Variants in RFX6 observed in about 807,000 individuals in gnomAD.
RFX6 encodes DNA-binding protein RFX6.
In RFX6, 50 loss-of-function variants were observed where a neutral mutation model predicts 110.8. That is an observed-to-expected ratio of 0.45 (90% confidence interval 0.36 to 0.57). The LOEUF is 0.57. RFX6 is among the 20% of genes least tolerant of loss of function. RFX6 has a pLI of 0.00. For missense variants in RFX6, 990 were observed against 1,127.0 expected (o/e 0.88, Z 1.74); for synonymous variants, 383 against 411.2 (o/e 0.93, Z 0.83).
chr6:116,891,382 T>A (rs956164859), intron 4 of RFX6, among the ~76,000 whole-genome samples: 3 of 152,188 alleles, frequency 2.0e-5, no homozygotes, highest in African/African-American at 7.2e-5. Flanking sequence ...GGATTAGAGT[T>A]GAGAAACAAG....
At chr6:116,908,673 C>A (rs1414858460) in intron 6 of RFX6, among the ~76,000 whole-genome samples, 4 of 85,574 alleles carry the variant, frequency 4.7e-5, no homozygotes, top group Non-Finnish European at 1.0e-4. Context: ...CTAGCATACA[C>A]ACACACACAC....
intron 18 of RFX6, among the ~76,000 whole-genome samples, chr6:116,929,733 A>G (rs1775840945): frequency 6.6e-6 from 1 of 152,248 alleles, no homozygotes; most frequent in Non-Finnish European, 1.5e-5. Flanking sequence ...ACTAAGTATC[A>G]AAGCAGAGTG....
intron 6 of RFX6, among the ~76,000 whole-genome samples, chr6:116,896,877 T>C (rs1774959722): frequency 6.6e-6 from 1 of 152,228 alleles, no homozygotes; most frequent in Admixed American, 6.5e-5. Context: ...TATTTGCTTT[T>C]TTAAGAGGTC....
rs567677630 is a variant in RFX6, at chr6:116,927,375, C to T, written c.2234C>T (p.Ala745Val). ...AGAGACTTCTTCAGTGGCAGCTGTG[C>T]GGGGTCTCCATATAACTCCCGGCCA... ...LSRDFFSGSC[A>V]GSPYNSRPPS... The change falls in exon 17 of 19, where the codon GCG becomes GTG. Residue 745 changes from alanine (A) to valine (V), a missense_variant. By Grantham distance (64) the Ala-to-Val change is moderately conservative. This residue lies in a region of RFX6 where 438 missense variants were observed against 441.9 expected (regional missense o/e 0.99). Coordinates refer to ENST00000332958, the MANE Select transcript of RFX6 (RefSeq NM_173560.4). The T allele has an allele frequency of 3.3e-5, 54 of 1,613,798 alleles. No homozygotes were observed. The highest frequency in any genetic ancestry group is 3.6e-5 in the Non-Finnish European group (43 of 1,179,856).
Position 116,897,481 on chromosome 6 carries a change from T to C in RFX6, c.672+2274T>C, listed in dbSNP as rs556448083. On this transcript the variant is annotated intron_variant, in intron 6 of 18. Coordinates refer to ENST00000332958, the MANE Select transcript of RFX6 (RefSeq NM_173560.4). ...AAATAAAAAAAATTCTGCTTAGCTA[T>C]AGTGTAGAATGAGGTAGAGAGTAAT... 3.3e-5 allele frequency among the ~76,000 whole-genome samples: 5 copies of C among 152,266 alleles called. No homozygotes were observed. The East Asian group carries it at 5.8e-4, about 18-fold the overall frequency.
intron 5 of RFX6, among the ~76,000 whole-genome samples, chr6:116,894,394 T>C (rs1774896912): frequency 1.3e-5 from 2 of 152,124 alleles, no homozygotes; most frequent in South Asian, 4.1e-4. Context: ...AGGCAGTAAA[T>C]GTAAATGTAA....
intron 3 of RFX6, among the ~76,000 whole-genome samples, chr6:116,881,280 C>T (rs375727597): frequency 6.6e-6 from 1 of 151,930 alleles, no homozygotes; most frequent in Non-Finnish European, 1.5e-5. Context: ...ATATGAATGT[C>T]TTAAGAAAGC....
At chr6:116,912,549 G>C (rs1260664132) in intron 7 of RFX6, among the ~76,000 whole-genome samples, 4 of 152,130 alleles carry the variant, frequency 2.6e-5, no homozygotes, top group African/African-American at 9.7e-5. Context: ...CCCAGTAAAT[G>C]TTAACATGTG....
At position 116,895,171 on chromosome 6, in the gene RFX6, T is replaced by A. The variant is rs1562136608; in HGVS notation, c.645-9T>A. The A allele has an allele frequency of 3.5e-6, 5 of 1,449,162 alleles. No homozygotes were observed. Among genetic ancestry groups the A allele is most frequent in the Middle Eastern group, 1.8e-4 (1 of 5,712 alleles). The allele number at this position is 1,449,162 out of a possible 1,614,324, so 89.8% of individuals were successfully genotyped here. ...TTTGAACTAATGGAAAATGTACTAA[T>A]TTTTTAAGGTTTTCTGGAAGCAAGC... On this transcript the variant is annotated splice_polypyrimidine_tract_variant and intron_variant, in intron 5 of 18. Transcript: ENST00000332958.
chr6:116,883,569 A>G (rs778644086), intron 4 of RFX6, among the ~76,000 whole-genome samples: 3 of 152,192 alleles, frequency 2.0e-5, no homozygotes, highest in African/African-American at 4.8e-5. Context: ...TATGGAATCA[A>G]TATAAAAATT....
intron 9 of RFX6, 50 bp downstream of exon 9, chr6:116,916,364 G>C: frequency 1.0e-6 from 1 of 991,272 alleles, no homozygotes; most frequent in Non-Finnish European, 1.6e-6. Context: ...TCTTTACGTA[G>C]CATTCTATCT....
At chr6:116,928,268 T>TTAACAAGGGAATTG (rs1775796608) in intron 17 of RFX6, among the ~76,000 whole-genome samples, 2 of 152,188 alleles carry the variant, frequency 1.3e-5, no homozygotes, top group Non-Finnish European at 2.9e-5. Context: ...TAGAGAGACC[T>TTAACAAGGGAATTG]GTGACCTTGA....
Position 116,880,688 on chromosome 6 carries a change from A to G in RFX6, c.504+21A>G, listed in dbSNP as rs199687281. 5,687 of 1,612,430 alleles carry G rather than the reference A, an allele frequency of 3.5e-3. 16 individuals are homozygous for G. The highest frequency in any genetic ancestry group is 4.3e-3 in the Non-Finnish European group (5,110 of 1,178,590). On this transcript the variant is annotated intron_variant, in intron 3 of 18. Transcript: ENST00000332958. ...GAAAGGTAAATGACACGTATTGGCT[A>G]TAGTGACTTATAACTAAAGTCATGT...
intron 2 of RFX6, among the ~76,000 whole-genome samples, chr6:116,879,216 C>T (rs2114659141): frequency 6.6e-6 from 1 of 151,600 alleles, no homozygotes; most frequent in Middle Eastern, 3.4e-3. Flanking sequence ...AAACTTGTAC[C>T]CCAAATGAAC....
chr6:116,877,349 A>G lies in RFX6; in HGVS notation c.74A>G (p.Gln25Arg), dbSNP rs751387845. ...GCGCCCCAACTGTCCCCGGGGATCC[A>G]GGAAGACTGCTGTGTGCAGCTCCTG... Reference protein sequence around the residue: ...QPAPQLSPGIQEDCCVQLLGK... With the variant: ...QPAPQLSPGIREDCCVQLLGK... Residue 25 changes from glutamine (Q) to arginine (R), a missense_variant, in exon 1 of 19, where the codon CAG (glutamine) becomes CGG (arginine). Physicochemically the swap from Gln to Arg is conservative, Grantham distance 43. This residue lies in a region of RFX6 where 175 missense variants were observed against 162.3 expected (regional missense o/e 1.08). Transcript: ENST00000332958. 40 of 1,612,720 alleles carry G rather than the reference A, an allele frequency of 2.5e-5. No individual in the cohort carries two copies. The highest frequency in any genetic ancestry group is 3.3e-5 in the Non-Finnish European group (39 of 1,179,564).
At chr6:116,906,385 T>C (rs1336883844) in intron 6 of RFX6, among the ~76,000 whole-genome samples, 1 of 152,204 alleles carries the variant, frequency 6.6e-6, no homozygotes, top group Non-Finnish European at 1.5e-5. Context: ...AGGATGGATT[T>C]TTCTTTTTCT....
chr6:116,877,921 A>G lies in RFX6; in HGVS notation c.349A>G (p.Lys117Glu). 1 of 1,614,164 alleles carries G rather than the reference A, an allele frequency of 6.2e-7. No homozygotes were observed. Among genetic ancestry groups the G allele is most frequent in the South Asian group, 1.1e-5 (1 of 91,076 alleles). ...KKTITQIVKD[K>E]KKQTQLTLQW... is the part of the protein sequence containing the mutation. Reference sequence around the variant, plus strand: ...AACCATCACGCAGATTGTGAAGGATAAAAAGAAGCAGACACAGCTCACGCT... The same window carrying G: ...AACCATCACGCAGATTGTGAAGGATGAAAAGAAGCAGACACAGCTCACGCT... The change falls in exon 2 of 19, where the codon AAA (lysine) becomes GAA (glutamate). Residue 117 changes from lysine (K) to glutamate (E), a missense_variant. Physicochemically the swap from Lys to Glu is moderately conservative, Grantham distance 56. Around this residue, in one of 5 missense-constraint regions of RFX6, gnomAD observed 175 missense variants for 162.3 expected, o/e 1.08. Transcript: ENST00000332958.
At chr6:116,901,605 C>T (rs1392836025) in intron 6 of RFX6, among the ~76,000 whole-genome samples, 2 of 152,150 alleles carry the variant, frequency 1.3e-5, no homozygotes, top group Non-Finnish European at 2.9e-5. Context: ...GACCAGTGTC[C>T]ATAACGTATG....
chr6:116,890,139 G>T (rs367746103), intron 4 of RFX6, among the ~76,000 whole-genome samples: 28 of 152,132 alleles, frequency 1.8e-4, no homozygotes, highest in African/African-American at 6.3e-4. Flanking sequence ...GATATCTTTT[G>T]CATCTTGAGT....
Sources: allele counts gnomAD v4.1 joint callset (sites outside exome capture counted in the v4.1 genomes callset), GRCh38; gene constraint gnomAD v4.1.1; regional missense constraint gnomAD v4.1.1; transcripts MANE v1.5; gene names NCBI Gene and HGNC (gene_info 2026-07-23, HGNC 2026-07-21).